ESRRG: variants seen among roughly 807,000 people sequenced by gnomAD.
ESRRG encodes the protein estrogen related receptor gamma.
Under a neutral mutation model 44.0 loss-of-function variants are expected in ESRRG, and 13 were observed. The observed-to-expected ratio is 0.30, with a 90% CI of 0.19 to 0.47. The LOEUF (loss-of-function observed/expected upper bound fraction) is 0.47, where lower values mean the gene tolerates loss of function less well. Among genes scored for constraint, ESRRG ranks in the 20% least tolerant of loss-of-function variants. The probability of loss-of-function intolerance (pLI) is 1.00; values close to 1 mark genes in which losing one functional copy is unlikely to be tolerated. For synonymous variants in ESRRG, 215 were observed against 214.6 expected, an observed-to-expected ratio of 1.00 and a Z score of -0.02; for missense variants, 395 against 580.6, an observed-to-expected ratio of 0.68 and a Z score of 3.29.
chr1:216,612,079 C>T (rs1168108172), intron 3 of ESRRG, among the ~76,000 whole-genome samples: 1 of 152,200 alleles, frequency 6.6e-6, no homozygotes, highest in Non-Finnish European at 1.5e-5. Flanking sequence ...ACAGGTCAGG[C>T]ACAAGTCACC....
intron 1 of ESRRG, among the ~76,000 whole-genome samples, chr1:217,056,166 C>T (rs2087041513): frequency 6.6e-6 from 1 of 152,038 alleles, no homozygotes; most frequent in South Asian, 2.1e-4. Flanking sequence ...CCTTGGGTAC[C>T]TGAATAACTA....
intron 2 of ESRRG, among the ~76,000 whole-genome samples, chr1:216,931,177 T>C (rs1202020666): frequency 2.0e-5 from 3 of 152,190 alleles, no homozygotes; most frequent in Non-Finnish European, 4.4e-5. Context: ...AAAGATGACA[T>C]GCACGTTTCT....
intron 5 of ESRRG, among the ~76,000 whole-genome samples, chr1:216,523,257 C>T (rs2046618078): frequency 6.6e-6 from 1 of 152,146 alleles, no homozygotes; most frequent in African/African-American, 2.4e-5. Flanking sequence ...CAGAATGACT[C>T]TCTACCTTGA....
At chr1:216,542,074 G>T (rs1380181383) in intron 5 of ESRRG, among the ~76,000 whole-genome samples, 3 of 59,120 alleles carry the variant, frequency 5.1e-5, no homozygotes, top group Non-Finnish European at 9.3e-5. Flanking sequence ...GTCTATGACA[G>T]AGAGAGAGAG....
intron 2 of ESRRG, among the ~76,000 whole-genome samples, chr1:216,835,456 G>T (rs1269683151): frequency 6.6e-6 from 1 of 152,220 alleles, no homozygotes; most frequent in Non-Finnish European, 1.5e-5. Flanking sequence ...TGACACGGCT[G>T]CTGGTATTGG....
At chr1:216,512,623 A>C (rs1012192161) in intron 6 of ESRRG, among the ~76,000 whole-genome samples, 1 of 152,126 alleles carries the variant, frequency 6.6e-6, no homozygotes, top group Non-Finnish European at 1.5e-5. Flanking sequence ...GGAACAAGAC[A>C]CTTGAAGGGC....
intron 2 of ESRRG, among the ~76,000 whole-genome samples, chr1:216,773,292 T>G (rs868629216): frequency 2.0e-5 from 3 of 152,274 alleles, no homozygotes; most frequent in Middle Eastern, 3.4e-3. Context: ...TCATGCATTT[T>G]GCACACAGAT....
chr1:216,760,561 C>T (rs1422155155), intron 2 of ESRRG, among the ~76,000 whole-genome samples: 1 of 151,856 alleles, frequency 6.6e-6, no homozygotes, highest in African/African-American at 2.4e-5. Context: ...TATGATTACA[C>T]CACTGTAATC....
intron 2 of ESRRG, among the ~76,000 whole-genome samples, chr1:216,887,691 C>A (rs552757843): frequency 2.6e-5 from 4 of 152,190 alleles, no homozygotes; most frequent in Non-Finnish European, 4.4e-5. Context: ...GAAACTCCTA[C>A]CCACTTCCTC....
intron 1 of ESRRG, among the ~76,000 whole-genome samples, chr1:217,024,453 G>A (rs915813341): frequency 5.3e-5 from 8 of 151,640 alleles, no homozygotes; most frequent in Non-Finnish European, 1.0e-4. Flanking sequence ...AGAGAAGTTA[G>A]TGCCAAGAAG....
intron 2 of ESRRG, among the ~76,000 whole-genome samples, chr1:216,759,942 C>T (rs1381537016): frequency 1.3e-5 from 2 of 152,120 alleles, no homozygotes; most frequent in Non-Finnish European, 2.9e-5. Flanking sequence ...TGCCTAGTTC[C>T]TGCTCAACCT....
intron 2 of ESRRG, among the ~76,000 whole-genome samples, chr1:216,880,627 C>A (rs1461258880): frequency 6.6e-6 from 1 of 152,108 alleles, no homozygotes; most frequent in African/African-American, 2.4e-5. Context: ...ATGTTCCTAA[C>A]ATATTAGTAT....
At chr1:217,022,199 A>G (rs1025884549) in intron 1 of ESRRG, among the ~76,000 whole-genome samples, 1 of 152,188 alleles carries the variant, frequency 6.6e-6, no homozygotes. Flanking sequence ...TTGAGCTGCT[A>G]TTGTGATTAT....
At chr1:216,980,224 G>T (rs1222568156) in intron 1 of ESRRG, among the ~76,000 whole-genome samples, 1 of 152,082 alleles carries the variant, frequency 6.6e-6, no homozygotes, top group East Asian at 1.9e-4. Flanking sequence ...TGGTAACTTT[G>T]GTCAGTAAAA....
chr1:216,946,951 C>T (rs578020175), intron 1 of ESRRG, among the ~76,000 whole-genome samples: 7 of 152,228 alleles, frequency 4.6e-5, no homozygotes, highest in African/African-American at 1.4e-4. Context: ...CTGCCCGCCT[C>T]GGCCTCCCTA....
chr1:217,119,605 T>C (rs2092791614), intron 1 of ESRRG, among the ~76,000 whole-genome samples: 1 of 152,258 alleles, frequency 6.6e-6, no homozygotes, highest in South Asian at 2.1e-4. Context: ...ATAGTTTGTT[T>C]TTCTAGCATG....
intron 1 of ESRRG, among the ~76,000 whole-genome samples, chr1:216,713,990 GA>G (rs2084233361): frequency 6.6e-6 from 1 of 152,120 alleles, no homozygotes; most frequent in Admixed American, 6.6e-5. Flanking sequence ...CAAGCTATCT[GA>G]TAAACCCCCA....
At chr1:216,659,534 T>C (rs1856521) in intron 2 of ESRRG, among the ~76,000 whole-genome samples, 125,012 of 152,084 alleles carry the variant, frequency 0.82, 51,676 homozygotes, top group Admixed American at 0.88. Context: ...TCTTCAAAAA[T>C]CTTATCCCAG....
intron 2 of ESRRG, among the ~76,000 whole-genome samples, chr1:216,841,519 C>A (rs2095653442): frequency 6.6e-6 from 1 of 151,944 alleles, no homozygotes; most frequent in Admixed American, 6.6e-5. Context: ...TAGGATGGAA[C>A]TTTAACATAA....
Sources: gnomAD v4.1 joint callset for allele counts (sites outside exome capture counted in the v4.1 genomes callset) on GRCh38, gnomAD v4.1.1 for gene constraint, MANE v1.5 for transcripts, NCBI Gene and HGNC (gene_info 2026-07-23, HGNC 2026-07-21) for gene names.